Variants in RAB6A observed in about 807,000 individuals in gnomAD.
RAB6A encodes ras-related protein Rab-6A.
In RAB6A, 8 loss-of-function variants were observed where a neutral mutation model predicts 32.3. That is an observed-to-expected ratio of 0.25 (90% CI 0.15 to 0.45). The LOEUF (loss-of-function observed/expected upper bound fraction) is 0.45, where lower values mean the gene tolerates loss of function less well. Ranked by LOEUF, RAB6A falls within the 20% of genes least tolerant of loss-of-function variation. RAB6A has a pLI of 1.00. For missense variants in RAB6A, 104 were observed against 249.4 expected, an observed-to-expected ratio of 0.42 and a Z score of 3.93; for synonymous variants, 73 against 82.1, an observed-to-expected ratio of 0.89 and a Z score of 0.60.
In RAB6A at chr11:73,709,906, T is replaced by C. The variant is rs917295705; in HGVS notation, c.402-2393A>G. Reference sequence around the variant, plus strand: ...ATATATACATATATATACACACACATATATACATATATATACACATATATA... The same window carrying C: ...ATATATACATATATATACACACACACATATACATATATATACACATATATA... On this transcript the variant is annotated intron_variant, in intron 5 of 7. Transcript: ENST00000336083. 3.5e-5 allele frequency among the ~76,000 whole-genome samples: 5 copies of C among 142,838 alleles called. No homozygotes were observed. In the East Asian group the frequency reaches 9.9e-4, roughly 28 times the overall value. The allele number at this position is 142,838 out of a possible 152,430, so 93.7% of individuals were successfully genotyped here.
At chr11:73,714,505 C>CA (rs1392103101) in intron 5 of RAB6A, among the ~76,000 whole-genome samples, 2 of 150,410 alleles carry the variant, frequency 1.3e-5, no homozygotes, top group Non-Finnish European at 1.5e-5. Context: ...ACTAAAAATA[C>CA]AAAAAAATGA....
intron 5 of RAB6A, among the ~76,000 whole-genome samples, chr11:73,715,058 T>G (rs1946032833): frequency 6.6e-6 from 1 of 152,234 alleles, no homozygotes; most frequent in Non-Finnish European, 1.5e-5. Context: ...AAACATATTT[T>G]TATAAAGAAA....
At chr11:73,759,942 C>T in intron 1 of RAB6A, 1 of 1,048,194 alleles carries the variant, frequency 9.5e-7, no homozygotes, top group Admixed American at 2.5e-5. Flanking sequence ...CCCCCAACCA[C>T]CCCATGCTCA....
chr11:73,721,903 TTC>T (rs1946137152), intron 2 of RAB6A, among the ~76,000 whole-genome samples: 1 of 152,160 alleles, frequency 6.6e-6, no homozygotes, highest in Admixed American at 6.6e-5. Context: ...GGGATTTTAT[TTC>T]TGTTAGCAGA....
chr11:73,732,019 G>A (rs550824358), intron 1 of RAB6A, among the ~76,000 whole-genome samples: 49 of 151,364 alleles, frequency 3.2e-4, no homozygotes, highest in African/African-American at 8.7e-4. Flanking sequence ...GATTATAGGC[G>A]TGCACCACTG....
intron 1 of RAB6A, chr11:73,760,038 C>G (rs1022536330): frequency 3.1e-6 from 4 of 1,289,246 alleles, no homozygotes; most frequent in Non-Finnish European, 3.0e-6. Context: ...CTACTACCAC[C>G]CCTTCCCACC....
intron 6 of RAB6A, among the ~76,000 whole-genome samples, chr11:73,683,033 T>C (rs1945384648): frequency 6.6e-6 from 1 of 152,122 alleles, no homozygotes; most frequent in South Asian, 2.1e-4. Flanking sequence ...AAACATATTT[T>C]ATAGAAATTG....
intron 1 of RAB6A, among the ~76,000 whole-genome samples, chr11:73,749,097 C>T (rs964703422): frequency 2.0e-5 from 3 of 151,978 alleles, no homozygotes; most frequent in African/African-American, 7.3e-5. Context: ...TGCACTCCAG[C>T]CTCGACAACA....
In RAB6A at chr11:73,701,268, A is replaced by T. The variant is rs541324206; in HGVS notation, c.495+6152T>A. Among the ~76,000 whole-genome samples, 5 of 152,362 alleles carry T rather than the reference A, an allele frequency of 3.3e-5. No individual in the cohort carries two copies. The East Asian group carries it at 9.6e-4, about 29-fold the overall frequency. On this transcript the variant is annotated intron_variant, in intron 6 of 7. Coordinates refer to ENST00000336083, the MANE Select transcript of RAB6A (RefSeq NM_198896.2). ...AGGCATGATTTTGTCAAATAAAATG[A>T]GTACAATCAAAAATCAAAAATAGTT...
At chr11:73,727,645 C>T (rs958982744) in intron 2 of RAB6A, among the ~76,000 whole-genome samples, 1 of 151,968 alleles carries the variant, frequency 6.6e-6, no homozygotes, top group Admixed American at 6.6e-5. Flanking sequence ...AAAGAAATGC[C>T]CATGTTTTTG....
At chr11:73,712,841 C>T (rs180681174) in intron 5 of RAB6A, among the ~76,000 whole-genome samples, 1 of 151,692 alleles carries the variant, frequency 6.6e-6, no homozygotes, top group Admixed American at 6.6e-5. Flanking sequence ...TCTCAGCCAC[C>T]CAAGTAGCTG....
intron 3 of RAB6A, among the ~76,000 whole-genome samples, 176 bp downstream of exon 3, chr11:73,720,670 A>G (rs1946122435): frequency 6.6e-6 from 1 of 152,194 alleles, no homozygotes; most frequent in African/African-American, 2.4e-5. Context: ...CATTTTTCCA[A>G]ATCAAGATGA....
intron 6 of RAB6A, among the ~76,000 whole-genome samples, chr11:73,680,443 T>A (rs1431613944): frequency 6.6e-6 from 1 of 151,382 alleles, no homozygotes; most frequent in Non-Finnish European, 1.5e-5. Context: ...GATCACGAGG[T>A]CAGGAGTTCA....
At chr11:73,760,195 G>A (rs1463877600) in intron 1 of RAB6A, 1 of 1,030,920 alleles carries the variant, frequency 9.7e-7, no homozygotes, top group Non-Finnish European at 1.3e-6. Context: ...ACTGGGAAAA[G>A]AGCAAGGAAT....
chr11:73,739,304 T>TATATATATATATAAAA (rs375733945), intron 1 of RAB6A, among the ~76,000 whole-genome samples: 1 of 31,860 alleles, frequency 3.1e-5, no homozygotes, highest in African/African-American at 8.0e-5. Flanking sequence ...TATATATATA[T>TATATATATATATAAAA]AAATACTGGA....
rs530704350 is a variant in RAB6A at position 73,718,231 on chromosome 11, A to G, written c.289+382T>C. On this transcript the variant is annotated intron_variant, in intron 4 of 7. Coordinates refer to ENST00000336083, the MANE Select transcript of RAB6A (RefSeq NM_198896.2). ...CAGAAGCTTGTAATAGCCTCAATAG[A>G]AAGCTTGGAGGATTTGGAAAACCTG... 8.5e-5 allele frequency among the ~76,000 whole-genome samples: 13 copies of G among 152,334 alleles called. No individual in the cohort carries two copies. The South Asian group carries it at 2.5e-3, about 29-fold the overall frequency.
In RAB6A at chr11:73,732,352, C is replaced by T. The variant is rs181245684; in HGVS notation, c.71-1529G>A. Among the ~76,000 whole-genome samples the T allele has an allele frequency of 2.0e-3, 299 of 151,934 alleles. 1 individual carries two copies. Among genetic ancestry groups the T allele is most frequent in the African/African-American group, 6.5e-3 (269 of 41,456 alleles). On this transcript the variant is annotated intron_variant, in intron 1 of 7. Transcript: ENST00000336083. ...CTGTAATCCCAGCACTTTGGGAGGC[C>T]GAGGCGGGCGGATCACGAGGTCAGG...
chr11:73,740,704 C>T (rs987385463), intron 1 of RAB6A, among the ~76,000 whole-genome samples: 3 of 151,962 alleles, frequency 2.0e-5, no homozygotes, highest in African/African-American at 7.3e-5. Context: ...ACCTGGCCAA[C>T]ATGGTGAAAC....
In RAB6A at chr11:73,760,781, A is replaced by T; in HGVS notation, c.-146T>A. 1 of 1,164,344 alleles carries T rather than the reference A, an allele frequency of 8.6e-7. No homozygotes were observed. The highest frequency in any genetic ancestry group is 1.2e-6 in the Non-Finnish European group (1 of 822,750). 72.1% of individuals were successfully genotyped at this position (1,164,344 alleles called of 1,614,324 possible). ...AGGCCCGGTGGAGGAGCCCGGCTGG[A>T]GGGCAGCAGGACTCTCCACAGACTG... On this transcript the variant is annotated 5_prime_UTR_variant, in exon 1 of 8. Transcript: ENST00000336083.
Sources: allele counts gnomAD v4.1 joint callset (sites outside exome capture counted in the v4.1 genomes callset), GRCh38; gene constraint gnomAD v4.1.1; transcripts MANE v1.5; gene names NCBI Gene and HGNC (gene_info 2026-07-23, HGNC 2026-07-21).